Variants in GSDMC observed in about 807,000 individuals in gnomAD.
The protein encoded by GSDMC is gasdermin C, also known as gasdermin-C.
GSDMC carries 59 observed loss-of-function variants against 58.0 expected under a neutral mutation model. That is an observed-to-expected ratio of 1.02 (90% CI 0.82 to 1.26). The LOEUF is 1.26. Among genes scored for constraint, GSDMC ranks in the 50% most tolerant of loss-of-function variants. The pLI is 0.00. For missense variants in GSDMC, 659 were observed against 598.5 expected (o/e 1.10, Z -1.06); for synonymous variants, 241 against 220.2 (o/e 1.09, Z -0.83).
At chr8:129,782,459 A>G (rs1586625226) in intron 1 of GSDMC, among the ~76,000 whole-genome samples, 1 of 152,072 alleles carries the variant, frequency 6.6e-6, no homozygotes, top group African/African-American at 2.4e-5. Flanking sequence ...AAATAGACAA[A>G]TCTTTAGCCA....
the GSDMC span, among the ~76,000 whole-genome samples, chr8:129,738,769 C>T: frequency 0.32 from 49,079 of 151,548 alleles, 11,476 homozygotes; most frequent in African/African-American, 0.65. Flanking sequence ...CAAACCTGCA[C>T]GTTGTGCACT....
intron 3 of GSDMC, among the ~76,000 whole-genome samples, chr8:129,772,818 G>C (rs191562137): frequency 6.6e-6 from 1 of 152,074 alleles, no homozygotes; most frequent in Non-Finnish European, 1.5e-5. Flanking sequence ...TACAAGAAAA[G>C]AAAATTACAG....
the GSDMC span, among the ~76,000 whole-genome samples, chr8:129,708,239 G>A: frequency 1.3e-5 from 2 of 152,218 alleles, no homozygotes; most frequent in Non-Finnish European, 2.9e-5. Flanking sequence ...AGGGGCCCCA[G>A]AGTTCACAGC....
chr8:129,746,333 T>A (rs2032960642), downstream of GSDMC, among the ~76,000 whole-genome samples: 1 of 152,158 alleles, frequency 6.6e-6, no homozygotes, highest in Non-Finnish European at 1.5e-5. Context: ...TCTGAACTGA[T>A]GAATTGGAAA....
chr8:129,785,958 C>T (rs921152232), intron 1 of GSDMC, 53 bp downstream of exon 1: 2 of 152,150 alleles, frequency 1.3e-5, no homozygotes, highest in African/African-American at 4.8e-5. Context: ...ACATTTTTGT[C>T]GCTGATGATA....
rs60877503 is a variant in GSDMC, at chr8:129,779,441, G to A, written c.-4-1850C>T. Among the ~76,000 whole-genome samples the A allele has an allele frequency of 9.5e-3, 1,443 of 152,164 alleles. 24 individuals carry two copies. Among genetic ancestry groups the A allele is most frequent in the African/African-American group, 0.032 (1,312 of 41,496 alleles). On this transcript the variant is annotated intron_variant, in intron 1 of 13. Transcript: ENST00000276708. Reference sequence around the variant, plus strand: ...TCATGGAGGGGACCAACACACACTGGGGCCTACTGGAAGGTAGAGCATGGA... The same window carrying A: ...TCATGGAGGGGACCAACACACACTGAGGCCTACTGGAAGGTAGAGCATGGA...
intron 5 of GSDMC, among the ~76,000 whole-genome samples, chr8:129,761,115 T>C (rs899959031): frequency 6.6e-6 from 1 of 152,190 alleles, no homozygotes; most frequent in African/African-American, 2.4e-5. Flanking sequence ...TTCTGACTAC[T>C]AGCGGGGAGA....
At chr8:129,706,226 A>G in the GSDMC span, among the ~76,000 whole-genome samples, 8 of 152,312 alleles carry the variant, frequency 5.3e-5, no homozygotes, top group Admixed American at 4.6e-4. Flanking sequence ...TCCACCAAAA[A>G]AAGTCAGAGG....
intron 1 of GSDMC, among the ~76,000 whole-genome samples, chr8:129,785,697 T>C (rs114850912): frequency 0.014 from 2,163 of 152,250 alleles, 59 homozygotes; most frequent in African/African-American, 0.049. Context: ...CAACAGTTCA[T>C]GTAAAATTCC....
Position 129,749,509 on chromosome 8 carries a change from T to C in GSDMC, c.1230A>G (p.Gln410=). Residue 410 remains glutamine, a synonymous_variant, in exon 13 of 14, where the codon CAA becomes CAG. Transcript: ENST00000276708. ...LEAIMVLSDF[Q]HDLLACSMEK... Reference sequence around the variant, plus strand: ...CCATGGAACAGGCCAGCAAATCGTGTTGGAAGTCACTCAGCACTGAGGGTG... The same window carrying C: ...CCATGGAACAGGCCAGCAAATCGTGCTGGAAGTCACTCAGCACTGAGGGTG... 1.2e-6 allele frequency: 2 copies of C among 1,613,728 alleles called. No homozygotes were observed. Among genetic ancestry groups the C allele is most frequent in the Non-Finnish European group, 1.7e-6 (2 of 1,179,704 alleles).
the GSDMC span, among the ~76,000 whole-genome samples, chr8:129,720,685 T>G: frequency 6.6e-6 from 1 of 152,342 alleles, no homozygotes; most frequent in Non-Finnish European, 1.5e-5. Flanking sequence ...TATACTTACA[T>G]GTTAATTTAT....
intron 2 of GSDMC, 61 bp downstream of exon 2, chr8:129,777,307 A>G: frequency 9.7e-7 from 1 of 1,033,092 alleles, no homozygotes; most frequent in South Asian, 1.4e-5. Flanking sequence ...ATGGTGGGCC[A>G]TCTTTTTCTG....
At chr8:129,712,073 A>T in the GSDMC span, among the ~76,000 whole-genome samples, 1 of 152,228 alleles carries the variant, frequency 6.6e-6, no homozygotes, top group Non-Finnish European at 1.5e-5. Flanking sequence ...CCTGGGCACC[A>T]TAGCAAGATC....
chr8:129,716,378 A>G, the GSDMC span, among the ~76,000 whole-genome samples: 2 of 152,218 alleles, frequency 1.3e-5, no homozygotes, highest in South Asian at 4.1e-4. Context: ...TCTTTGTAGC[A>G]ATTGTGAATG....
intron 1 of GSDMC, 117 bp downstream of exon 1, chr8:129,785,894 G>C (rs1259869003): frequency 6.6e-6 from 1 of 152,064 alleles, no homozygotes; most frequent in African/African-American, 2.4e-5. Context: ...TTCCTTTTCA[G>C]TCAAATTCTG....
intron 6 of GSDMC, among the ~76,000 whole-genome samples, chr8:129,754,603 A>G (rs2033355039): frequency 6.6e-6 from 1 of 152,208 alleles, no homozygotes; most frequent in African/African-American, 2.4e-5. Context: ...GACCTCACCA[A>G]TGAACGAAAC....
At chr8:129,747,949 C>A (rs980207581), downstream of GSDMC, among the ~76,000 whole-genome samples, 4 of 150,414 alleles carry the variant, frequency 2.7e-5, no homozygotes, top group African/African-American at 9.7e-5. Context: ...TATGCACATA[C>A]ACACACACAC....
chr8:129,745,583 A>C (rs1197423822), downstream of GSDMC, among the ~76,000 whole-genome samples: 1 of 152,116 alleles, frequency 6.6e-6, no homozygotes, highest in Non-Finnish European at 1.5e-5. Flanking sequence ...TATACTATAT[A>C]ATACATTTAT....
intron 3 of GSDMC, among the ~76,000 whole-genome samples, chr8:129,775,214 G>A (rs963651812): frequency 2.6e-5 from 4 of 152,090 alleles, no homozygotes; most frequent in South Asian, 4.1e-4. Flanking sequence ...ATGTGTATAC[G>A]ACGGAATATT....
Sources: gnomAD v4.1 joint callset for allele counts (sites outside exome capture counted in the v4.1 genomes callset) on GRCh38, gnomAD v4.1.1 for gene constraint, MANE v1.5 for transcripts, NCBI Gene and HGNC (gene_info 2026-07-23, HGNC 2026-07-21) for gene names.